The following IQCK variants were observed in gnomAD, a reference collection of about 807,000 sequenced individuals.
IQCK encodes the protein IQ domain-containing protein K.
Under a neutral mutation model 28.1 loss-of-function variants are expected in IQCK, and 29 were observed. The ratio of observed to expected loss-of-function variants is 1.03; its 90% CI spans 0.77 to 1.41. The LOEUF (loss-of-function observed/expected upper bound fraction) is 1.41, where lower values mean the gene tolerates loss of function less well. Among genes scored for constraint, IQCK ranks in the 40% most tolerant of loss-of-function variants. The probability of loss-of-function intolerance (pLI) is 0.00; values close to 1 mark genes in which losing one functional copy is unlikely to be tolerated. For missense variants in IQCK, 359 were observed against 314.7 expected (o/e 1.14, Z -1.07); for synonymous variants, 113 against 115.1 (o/e 0.98, Z 0.12).
chr16:19,731,188 G>A (rs1977824721), intron 2 of IQCK, among the ~76,000 whole-genome samples: 2 of 152,200 alleles, frequency 1.3e-5, no homozygotes, highest in African/African-American at 4.8e-5. Context: ...GCATGACAGG[G>A]TAGACAAGAT....
intron 6 of IQCK, among the ~76,000 whole-genome samples, chr16:19,768,471 G>T (rs932698682): frequency 3.9e-5 from 6 of 152,176 alleles, no homozygotes; most frequent in Admixed American, 1.3e-4. Flanking sequence ...CACTGGCTGG[G>T]TGCAGTGGCT....
intron 2 of IQCK, among the ~76,000 whole-genome samples, chr16:19,731,794 C>A (rs887180341): frequency 1.3e-5 from 2 of 152,178 alleles, no homozygotes; most frequent in Admixed American, 6.5e-5. Flanking sequence ...CTACATTAGG[C>A]TGTTTGCAAG....
intron 4 of IQCK, 102 bp from the exon 5 acceptor site, chr16:19,763,746 G>A: frequency 1.1e-6 from 1 of 910,260 alleles, no homozygotes; most frequent in Non-Finnish European, 1.8e-6. Context: ...CCCAGCCAGT[G>A]TTAAGCTTTA....
At chr16:19,773,394 C>G (rs1400171858) in intron 6 of IQCK, among the ~76,000 whole-genome samples, 3 of 152,290 alleles carry the variant, frequency 2.0e-5, no homozygotes, top group Non-Finnish European at 4.4e-5. Flanking sequence ...CCACCAAACC[C>G]AAACCCAGTT....
intron 4 of IQCK, among the ~76,000 whole-genome samples, chr16:19,758,943 A>G (rs2055092394): frequency 6.6e-6 from 1 of 152,244 alleles, no homozygotes; most frequent in South Asian, 2.1e-4. Flanking sequence ...ATCTTGAATT[A>G]TAAAGCTGAG....
intron 2 of IQCK, among the ~76,000 whole-genome samples, chr16:19,730,706 C>T (rs545510868): frequency 1.4e-5 from 2 of 143,468 alleles, no homozygotes; most frequent in South Asian, 4.3e-4. Flanking sequence ...TTAGTTTCGG[C>T]GTTTGTCTGT....
At chr16:19,730,715 GTCTA>G (rs60935548) in intron 2 of IQCK, among the ~76,000 whole-genome samples, 168 of 150,332 alleles carry the variant, frequency 1.1e-3, no homozygotes, top group South Asian at 1.7e-3. Context: ...GCGTTTGTCT[GTCTA>G]TCTATCTGTC....
At chr16:19,851,625 T>G (rs1160116815) in intron 9 of IQCK, among the ~76,000 whole-genome samples, 1 of 152,082 alleles carries the variant, frequency 6.6e-6, no homozygotes, top group Non-Finnish European at 1.5e-5. Flanking sequence ...CTTGTCACAT[T>G]GCCTTTAATT....
At position 19,769,030 on chromosome 16, in the gene IQCK, T is replaced by C. The variant is rs947525274; in HGVS notation, c.605+4918T>C. Among the ~76,000 whole-genome samples, 12 of 152,166 alleles carry C rather than the reference T, an allele frequency of 7.9e-5. No homozygotes were observed. The East Asian group carries it at 1.9e-3, about 24-fold the overall frequency. ...GCTGGAGGTTCTGCTTTTAAGATGG[T>C]GCACAAACATGGTGCTGGTTGTTGT... On this transcript the variant is annotated intron_variant, in intron 6 of 7. Transcript: ENST00000564186.
At chr16:19,753,304 T>A (rs938646012) in intron 4 of IQCK, among the ~76,000 whole-genome samples, 2 of 152,034 alleles carry the variant, frequency 1.3e-5, no homozygotes, top group Non-Finnish European at 2.9e-5. Flanking sequence ...CATGTGCCTG[T>A]AGTCCTAGCT....
At chr16:19,741,550 G>T (rs1405002054) in intron 4 of IQCK, among the ~76,000 whole-genome samples, 2 of 152,160 alleles carry the variant, frequency 1.3e-5, no homozygotes, top group African/African-American at 4.8e-5. Flanking sequence ...ATATTTCATT[G>T]TTGACATCCT....
intron 6 of IQCK, among the ~76,000 whole-genome samples, chr16:19,773,659 G>A (rs2055347304): frequency 6.6e-6 from 1 of 152,216 alleles, no homozygotes. Flanking sequence ...GAATGGGTGT[G>A]GCTGTGTTCC....
chr16:19,814,220 C>CAA (rs71146272), intron 7 of IQCK, among the ~76,000 whole-genome samples: 214 of 19,410 alleles, frequency 0.011, 8 homozygotes, highest in African/African-American at 0.031. Flanking sequence ...AACTCTATCT[C>CAA]AAAAAAAAAA....
chr16:19,847,951 C>T (rs1017659410), intron 9 of IQCK, among the ~76,000 whole-genome samples: 3 of 152,162 alleles, frequency 2.0e-5, no homozygotes, highest in Non-Finnish European at 4.4e-5. Flanking sequence ...TATAGGCATG[C>T]GCCACCACAC....
intron 9 of IQCK, among the ~76,000 whole-genome samples, chr16:19,852,517 T>C (rs1455883794): frequency 6.6e-6 from 1 of 152,218 alleles, no homozygotes; most frequent in African/African-American, 2.4e-5. Flanking sequence ...TTGCTTTTCT[T>C]TGGAGCTCTT....
At chr16:19,774,064 CAGTG>C (rs1278922434) in intron 6 of IQCK, among the ~76,000 whole-genome samples, 1 of 152,132 alleles carries the variant, frequency 6.6e-6, no homozygotes, top group East Asian at 1.9e-4. Context: ...AAGAAGATGA[CAGTG>C]AGTCAAATCC....
At chr16:19,842,458 C>G (rs2056372500) in intron 9 of IQCK, among the ~76,000 whole-genome samples, 1 of 152,162 alleles carries the variant, frequency 6.6e-6, no homozygotes, top group Non-Finnish European at 1.5e-5. Context: ...GGTGGTGTGT[C>G]TTTGGCTTAC....
intron 9 of IQCK, among the ~76,000 whole-genome samples, chr16:19,835,314 A>G (rs2056280959): frequency 6.6e-6 from 1 of 152,152 alleles, no homozygotes; most frequent in South Asian, 2.1e-4. Context: ...ATATATATTT[A>G]TAAACATGTA....
At chr16:19,774,786 G>A (rs555890848) in intron 6 of IQCK, among the ~76,000 whole-genome samples, 16 of 152,288 alleles carry the variant, frequency 1.1e-4, no homozygotes, top group African/African-American at 3.4e-4. Context: ...ATGTAGAAAC[G>A]ACAAACATGT....
Sources: gnomAD v4.1 joint callset for allele counts (sites outside exome capture counted in the v4.1 genomes callset) on GRCh38, gnomAD v4.1.1 for gene constraint, MANE v1.5 for transcripts, NCBI Gene and HGNC (gene_info 2026-07-23, HGNC 2026-07-21) for gene names.